EDAR: variants seen among roughly 807,000 people sequenced by gnomAD.
The protein encoded by EDAR is ectodysplasin A receptor, also known as tumor necrosis factor receptor superfamily member EDAR.
In EDAR, 38 loss-of-function variants were observed where a neutral mutation model predicts 51.3. The ratio of observed to expected loss-of-function variants is 0.74; its 90% CI spans 0.57 to 0.97. The LOEUF (loss-of-function observed/expected upper bound fraction) is 0.97, where lower values mean the gene tolerates loss of function less well. Ranked by LOEUF, EDAR falls within the 50% of genes least tolerant of loss-of-function variation. The probability of loss-of-function intolerance (pLI) is 0.00; values close to 1 mark genes in which losing one functional copy is unlikely to be tolerated. For missense variants in EDAR, 528 were observed against 595.0 expected, an observed-to-expected ratio of 0.89 and a Z score of 1.17; for synonymous variants, 227 against 242.1, an observed-to-expected ratio of 0.94 and a Z score of 0.58.
intron 4 of EDAR, among the ~76,000 whole-genome samples, chr2:108,928,815 G>A (rs1330163701): frequency 6.6e-6 from 1 of 152,184 alleles, no homozygotes; most frequent in Non-Finnish European, 1.5e-5. Context: ...TTTATTAGTA[G>A]CTTCCCCAGA....
At chr2:108,910,695 CGAGGAG>C in intron 8 of EDAR, 75 bp downstream of exon 8, 7 of 1,523,486 alleles carry the variant, frequency 4.6e-6, no homozygotes, top group Non-Finnish European at 6.4e-6. Context: ...GCAGAAGCAG[CGAGGAG>C]GCTGCTTCTG....
chr2:108,939,317 G>A (rs186510499), intron 1 of EDAR, among the ~76,000 whole-genome samples: 3 of 152,106 alleles, frequency 2.0e-5, no homozygotes, highest in Non-Finnish European at 2.9e-5. Context: ...CTCCGTAGTA[G>A]CTGGGACTAC....
intron 1 of EDAR, among the ~76,000 whole-genome samples, chr2:108,932,276 C>T (rs528979821): frequency 6.6e-6 from 1 of 152,134 alleles, no homozygotes; most frequent in African/African-American, 2.4e-5. Flanking sequence ...CACCTGTAAT[C>T]CCAGCACTTT....
chr2:108,936,593 TCAGTACTC>T (rs1170110569), intron 1 of EDAR, among the ~76,000 whole-genome samples: 1 of 152,028 alleles, frequency 6.6e-6, no homozygotes, highest in Non-Finnish European at 1.5e-5. Flanking sequence ...CCAGCAGGAT[TCAGTACTC>T]CCCCGCCTCC....
chr2:108,968,397 T>G (rs978322864), intron 1 of EDAR, among the ~76,000 whole-genome samples: 1 of 152,204 alleles, frequency 6.6e-6, no homozygotes. Flanking sequence ...TCCTTTTGAC[T>G]GTTGAAGTTT....
chr2:108,958,899 A>G (rs973627953), intron 1 of EDAR, among the ~76,000 whole-genome samples: 1 of 152,238 alleles, frequency 6.6e-6, no homozygotes, highest in African/African-American at 2.4e-5. Flanking sequence ...GCAGGTGACA[A>G]CACAGTTCAT....
intron 11 of EDAR, among the ~76,000 whole-genome samples, chr2:108,904,994 T>C (rs771175782): frequency 3.7e-4 from 56 of 152,198 alleles, no homozygotes; most frequent in Non-Finnish European, 6.0e-4. Context: ...CTCTGTATTA[T>C]CTCTTACCAC....
chr2:108,923,324 G>A (rs544304309), intron 5 of EDAR, 44 bp downstream of exon 5: 38 of 1,580,760 alleles, frequency 2.4e-5, no homozygotes, highest in South Asian at 6.6e-5. Context: ...AAAGGGATCC[G>A]TGCTGAACAA....
chr2:108,923,076 G>C (rs573092832), intron 5 of EDAR, among the ~76,000 whole-genome samples: 2 of 152,176 alleles, frequency 1.3e-5, no homozygotes, highest in African/African-American at 4.8e-5. Flanking sequence ...TCAGATGTTA[G>C]TACCCCCATA....
At chr2:108,984,796 C>T (rs547626017) in intron 1 of EDAR, among the ~76,000 whole-genome samples, 2 of 152,280 alleles carry the variant, frequency 1.3e-5, no homozygotes, top group East Asian at 1.9e-4. Context: ...CATGGGACCA[C>T]TGTGTTACTC....
intron 6 of EDAR, among the ~76,000 whole-genome samples, chr2:108,911,457 A>G (rs566926657): frequency 1.1e-4 from 17 of 152,340 alleles, no homozygotes; most frequent in African/African-American, 3.4e-4. Flanking sequence ...TTTCCAAACA[A>G]AAGTCAGGAT....
intron 1 of EDAR, among the ~76,000 whole-genome samples, chr2:108,952,823 T>C (rs956706909): frequency 2.6e-5 from 4 of 152,242 alleles, no homozygotes; most frequent in African/African-American, 7.2e-5. Flanking sequence ...CTACTTTAAA[T>C]AGCACTGAGT....
chr2:108,902,567 G>A (rs1489159723), intron 11 of EDAR, among the ~76,000 whole-genome samples: 1 of 152,024 alleles, frequency 6.6e-6, no homozygotes, highest in Non-Finnish European at 1.5e-5. Flanking sequence ...ACCAAAACCA[G>A]ACAAAGACAA....
chr2:108,907,516 C>A (rs958401061), intron 10 of EDAR, among the ~76,000 whole-genome samples: 23 of 151,912 alleles, frequency 1.5e-4, no homozygotes, highest in Admixed American at 5.2e-4. Flanking sequence ...GGTGTGGCAG[C>A]GTGCACCTGT....
At chr2:108,903,940 T>C (rs1027659782) in intron 11 of EDAR, among the ~76,000 whole-genome samples, 1 of 152,148 alleles carries the variant, frequency 6.6e-6, no homozygotes, top group Non-Finnish European at 1.5e-5. Flanking sequence ...AAGAAAACTT[T>C]ATAATTAGTT....
intron 1 of EDAR, among the ~76,000 whole-genome samples, chr2:108,987,268 C>A (rs1412778565): frequency 7.2e-5 from 11 of 152,210 alleles, no homozygotes; most frequent in African/African-American, 1.9e-4. Context: ...GTCAGGTAAC[C>A]CAGCTTCCAT....
intron 1 of EDAR, among the ~76,000 whole-genome samples, chr2:108,961,369 G>A (rs183710211): frequency 7.2e-5 from 11 of 152,098 alleles, no homozygotes; most frequent in African/African-American, 2.7e-4. Context: ...ACTCACTCAA[G>A]GGCATCTGGC....
chr2:108,899,806 T>C (rs1389433678), intron 11 of EDAR, among the ~76,000 whole-genome samples: 1 of 152,004 alleles, frequency 6.6e-6, no homozygotes, highest in African/African-American at 2.4e-5. Context: ...GCCAACATGG[T>C]GAAACCCCGT....
At chr2:108,948,969 A>G (rs1697770141) in intron 1 of EDAR, among the ~76,000 whole-genome samples, 1 of 152,184 alleles carries the variant, frequency 6.6e-6, no homozygotes, top group South Asian at 2.1e-4. Context: ...ACTTAAAAAA[A>G]TTAGTTAAAA....
Sources: gnomAD v4.1 joint callset for allele counts (sites outside exome capture counted in the v4.1 genomes callset) on GRCh38, gnomAD v4.1.1 for gene constraint, MANE v1.5 for transcripts, NCBI Gene and HGNC (gene_info 2026-07-23, HGNC 2026-07-21) for gene names.